USP20: variants seen among roughly 807,000 people sequenced by gnomAD.
The protein encoded by USP20 is ubiquitin carboxyl-terminal hydrolase 20.
Under a neutral mutation model 124.2 loss-of-function variants are expected in USP20, and 80 were observed. The ratio of observed to expected loss-of-function variants is 0.64; its 90% CI spans 0.54 to 0.78. USP20 has a LOEUF of 0.78. USP20 is among the 30% of genes least tolerant of loss of function. USP20 has a pLI of 0.00. For missense variants in USP20, 1,043 were observed against 1,244.4 expected (o/e 0.84, Z 2.44); for synonymous variants, 481 against 512.3 (o/e 0.94, Z 0.83).
intron 4 of USP20, among the ~76,000 whole-genome samples, chr9:129,857,173 C>G (rs2033257777): frequency 6.6e-6 from 1 of 152,170 alleles, no homozygotes. Context: ...TTCTGCTCAG[C>G]CCTGTCACTC....
At chr9:129,844,471 C>G (rs919256075) in intron 1 of USP20, among the ~76,000 whole-genome samples, 1 of 151,320 alleles carries the variant, frequency 6.6e-6, no homozygotes, top group East Asian at 2.0e-4. Context: ...ACAAAAAATA[C>G]AAAAATTAGC....
chr9:129,876,293 C>T (rs2131100643), intron 22 of USP20, 55 bp downstream of exon 22: 3 of 1,482,986 alleles, frequency 2.0e-6, no homozygotes, highest in Non-Finnish European at 2.8e-6. Flanking sequence ...CCTGGGGCAG[C>T]TGGGGACTTG....
chr9:129,871,826 C>G (rs1183157411), intron 15 of USP20, among the ~76,000 whole-genome samples: 1 of 152,048 alleles, frequency 6.6e-6, no homozygotes. Context: ...AAGCGATTCT[C>G]CTGCCTCAGC....
Position 129,868,382 on chromosome 9 carries a change from C to T in USP20, c.1068C>T (p.Ala356=). ...EDADVDTAMA[A]LDDQPAEAQP... ...CTGATGTGGACACTGCCATGGCTGC[C>T]CTTGACGACCAGCCCGCGGAGGCCC... Residue 356 remains alanine (A), a synonymous_variant, in exon 11 of 26, where the codon GCC becomes GCT. Transcript: ENST00000372429. 6.7e-7 allele frequency: 1 copy of T among 1,503,332 alleles called. No homozygotes were observed. 93.1% of individuals were successfully genotyped at this position (1,503,332 alleles called of 1,614,324 possible). A position where few individuals can be genotyped will look rare whatever the true frequency, so the allele number is the denominator to read the frequency against.
chr9:129,868,252 TC>T lies in USP20; in HGVS notation c.941del (p.Pro314GlnfsTer14). On this transcript the variant is annotated frameshift_variant, in exon 11 of 26. Coordinates refer to ENST00000372429, the MANE Select transcript of USP20 (RefSeq NM_001110303.4). LOFTEE classifies it high-confidence loss of function. ...GSSQAETELL[I>X]PDEAGRAISE... Reference sequence around the variant, plus strand: ...TCGCAGGCCGAGACGGAGCTGCTGATCCCAGATGAGGCGGGCCGAGCCATCT... The same window carrying T: ...TCGCAGGCCGAGACGGAGCTGCTGATCCAGATGAGGCGGGCCGAGCCATCT... 2 of 1,613,914 alleles carry T rather than the reference TC, an allele frequency of 1.2e-6. No individual in the cohort carries two copies. The highest frequency in any genetic ancestry group is 1.7e-6 in the Non-Finnish European group (2 of 1,179,928).
In USP20 at chr9:129,852,601, G is replaced by A; in HGVS notation, c.46G>A (p.Glu16Lys). ...DLCPHLDSIGEVTKEDLLLKS... is the reference protein window; with the variant it reads ...DLCPHLDSIGKVTKEDLLLKS... ...TTGCCCTCACCTTGACTCCATAGGA[G>A]AGGTGACCAAAGAGGACTTGCTGCT... The change falls in exon 3 of 26, where the codon GAG becomes AAG. Residue 16 changes from glutamate to lysine, a missense_variant. Glu to Lys is a moderately conservative substitution (Grantham distance 56, BLOSUM62 1). Transcript: ENST00000372429. 1 of 1,599,898 alleles carries A rather than the reference G, an allele frequency of 6.3e-7. No homozygotes were observed. Among genetic ancestry groups the A allele is most frequent in the Non-Finnish European group, 8.5e-7 (1 of 1,172,522 alleles).
Position 129,879,379 on chromosome 9 carries a change from G to A in USP20, c.2513-194G>A, listed in dbSNP as rs536146270. 47 of 593,816 alleles carry A rather than the reference G, an allele frequency of 7.9e-5. No homozygotes were observed. The East Asian group carries it at 8.8e-4, about 11-fold the overall frequency. 36.8% of individuals were successfully genotyped at this position (593,816 alleles called of 1,614,324 possible). A position where few individuals can be genotyped will look rare whatever the true frequency, so the allele number is the denominator to read the frequency against. On this transcript the variant is annotated intron_variant, in intron 23 of 25. Coordinates refer to ENST00000372429, the MANE Select transcript of USP20 (RefSeq NM_001110303.4). The surrounding 1 kb of genome is among the most constrained non-coding windows in gnomAD (Gnocchi z 4.2). ...CCAGCACAGAGTCTGAGACCATCTC[G>A]TGTGTCCTGGAAATTCCCTCTGCTG...
chr9:129,873,860 G>C, intron 17 of USP20, 116 bp downstream of exon 17: 1 of 1,271,398 alleles, frequency 7.9e-7, no homozygotes, highest in East Asian at 2.3e-5. Flanking sequence ...TGCAGGGGCC[G>C]TGGAGACTCC....
chr9:129,839,496 G>A lies in USP20; in HGVS notation c.-129+3997G>A, dbSNP rs1406440445. ...CCGAGTGAGGACTGGGTTAAGGGAA[G>A]GGGTGGGTGTGTCTGGGACTTAGGG... On this transcript the variant is annotated intron_variant, in intron 1 of 25. Transcript: ENST00000372429. This position sits in a 1 kb window ranked among gnomAD's most constrained non-coding sequence, Gnocchi z 4.5. Among the ~76,000 whole-genome samples the A allele has an allele frequency of 6.6e-6, 1 of 152,150 alleles. No individual in the cohort carries two copies.
chr9:129,870,080 G>A (rs1025934528), intron 14 of USP20: 5 of 600,114 alleles, frequency 8.3e-6, no homozygotes, highest in Non-Finnish European at 1.5e-5. Flanking sequence ...CAGCAGGGAG[G>A]TGACCACATG....
chr9:129,873,771 T>C (rs1479882347), intron 17 of USP20, 27 bp downstream of exon 17: 1 of 1,608,540 alleles, frequency 6.2e-7, no homozygotes, highest in East Asian at 2.2e-5. Flanking sequence ...GGCAGCCTCC[T>C]CCTCAGCTAT....
chr9:129,869,533 A>G, intron 13 of USP20, 108 bp downstream of exon 13: 4 of 1,530,284 alleles, frequency 2.6e-6, no homozygotes, highest in Non-Finnish European at 2.7e-6. Flanking sequence ...CCCTGCTTTT[A>G]TCCAGGGGAG....
intron 22 of USP20, among the ~76,000 whole-genome samples, chr9:129,877,542 G>C (rs1177263873): frequency 6.6e-6 from 1 of 151,726 alleles, no homozygotes; most frequent in Non-Finnish European, 1.5e-5. Flanking sequence ...ACGAAAAAGA[G>C]ACTGTCAGGG....
At position 129,879,836 on chromosome 9, in the gene USP20, C is replaced by T. The variant is rs1008729310; in HGVS notation, c.2584+192C>T. Among the ~76,000 whole-genome samples the T allele has an allele frequency of 1.3e-5, 2 of 152,110 alleles. No individual in the cohort carries two copies. The highest frequency in any genetic ancestry group is 2.4e-5 in the African/African-American group (1 of 41,406). On this transcript the variant is annotated intron_variant, in intron 24 of 25. Transcript: ENST00000372429. The surrounding 1 kb of genome is among the most constrained non-coding windows in gnomAD (Gnocchi z 4.2). ...GGTCTCTGCTTGTGTCCTCCAGGTC[C>T]CACCCCTCTGCCTGCTGCTGGCCTT... is the stretch of plus-strand genomic sequence containing the variant.
At chr9:129,840,375 G>A (rs1032953635) in intron 1 of USP20, among the ~76,000 whole-genome samples, 4 of 152,130 alleles carry the variant, frequency 2.6e-5, no homozygotes, top group African/African-American at 7.2e-5. Flanking sequence ...CCTAGAGAGT[G>A]GGTGAACAAA....
At chr9:129,880,395 CACCTT>C in intron 25 of USP20, 67 bp from the exon 26 acceptor site, 1 of 1,336,680 alleles carries the variant, frequency 7.5e-7, no homozygotes. Context: ...TCCCTGAAAG[CACCTT>C]CCTGGAGGAT....
Position 129,839,180 on chromosome 9 carries a change from G to A in USP20, c.-129+3681G>A, listed in dbSNP as rs1406486602. Among the ~76,000 whole-genome samples the A allele has an allele frequency of 2.6e-5, 4 of 152,182 alleles. No homozygotes were observed. Among genetic ancestry groups the A allele is most frequent in the Non-Finnish European group, 5.9e-5 (4 of 68,030 alleles). On this transcript the variant is annotated intron_variant, in intron 1 of 25. Transcript: ENST00000372429. The surrounding 1 kb of genome is among the most constrained non-coding windows in gnomAD (Gnocchi z 4.5). Reference sequence around the variant, plus strand: ...TGGTTCTGCAGCTCAGTAGCTGTGTGACCTTAGCCAGTTATTCCACTTCTC... The same window carrying A: ...TGGTTCTGCAGCTCAGTAGCTGTGTAACCTTAGCCAGTTATTCCACTTCTC...
intron 1 of USP20, among the ~76,000 whole-genome samples, chr9:129,837,539 C>T (rs563547455): frequency 1.2e-4 from 18 of 145,064 alleles, no homozygotes; most frequent in Middle Eastern, 3.7e-3. Flanking sequence ...TTAGCATTTA[C>T]TATATGAGCA....
chr9:129,877,021 G>A (rs1350018123), intron 22 of USP20, among the ~76,000 whole-genome samples: 1 of 152,148 alleles, frequency 6.6e-6, no homozygotes, highest in Non-Finnish European at 1.5e-5. Flanking sequence ...GATAAAGCAG[G>A]AAGTGAAAAC....
Sources: gnomAD v4.1 joint callset for allele counts (sites outside exome capture counted in the v4.1 genomes callset) on GRCh38, gnomAD v4.1.1 for gene constraint, Gnocchi (gnomAD v3.1) non-coding constraint, MANE v1.5 for transcripts, NCBI Gene and HGNC (gene_info 2026-07-23, HGNC 2026-07-21) for gene names.